TRNT1: variants seen among roughly 807,000 people sequenced by gnomAD.
TRNT1 encodes CCA tRNA nucleotidyltransferase 1, mitochondrial.
Under a neutral mutation model 45.6 loss-of-function variants are expected in TRNT1, and 44 were observed. The ratio of observed to expected loss-of-function variants is 0.97; its 90% CI spans 0.76 to 1.24. TRNT1 has a LOEUF of 1.24. TRNT1 is among the 50% of genes most tolerant of loss of function. TRNT1 has a pLI of 0.00. For missense variants in TRNT1, 633 were observed against 504.4 expected (o/e 1.25, Z -2.44); for synonymous variants, 201 against 171.4 (o/e 1.17, Z -1.35).
rs867130744 is a variant in TRNT1 at position 3,132,590 on chromosome 3, C to A, written c.148+3402C>A. Among the ~76,000 whole-genome samples, 214 of 98,686 alleles carry A rather than the reference C, an allele frequency of 2.2e-3. 1 individual carries two copies. Among genetic ancestry groups the A allele is most frequent in the South Asian group, 0.013 (31 of 2,406 alleles). 64.7% of individuals were successfully genotyped at this position (98,686 alleles called of 152,430 possible). A position where few individuals can be genotyped will look rare whatever the true frequency, so the allele number is the denominator to read the frequency against. On this transcript the variant is annotated intron_variant, in intron 2 of 7. Transcript: ENST00000251607. The stretch of plus-strand genomic sequence containing the variant: ...GAGATATACCTAATGCTAGATGACA[C>A]GTTAGTGGGTGCAGCGCACCAGCAT...
At chr3:3,144,298 T>C (rs980594993) in intron 4 of TRNT1, among the ~76,000 whole-genome samples, 1 of 152,202 alleles carries the variant, frequency 6.6e-6, no homozygotes, top group African/African-American at 2.4e-5. Context: ...GCTTGTATGG[T>C]GTCTTGTTGG....
At position 3,148,481 on chromosome 3, in the gene TRNT1, G is replaced by A. The variant is rs1247222457; in HGVS notation, c.*327G>A. 5.9e-6 allele frequency: 1 copy of A among 170,588 alleles called. No homozygotes were observed. The highest frequency in any genetic ancestry group is 2.4e-5 in the African/African-American group (1 of 42,076). The allele number at this position is 170,588 out of a possible 1,614,324, so 10.6% of individuals were successfully genotyped here. ...GGTAGTACTAAGATCTTAAAAAGTGGTAACTGTCTTGAAGAAAAAACGTTT... is the reference window on the plus strand; with the variant it reads ...GGTAGTACTAAGATCTTAAAAAGTGATAACTGTCTTGAAGAAAAAACGTTT... On this transcript the variant is annotated 3_prime_UTR_variant, in exon 8 of 8. Transcript: ENST00000251607.
chr3:3,150,798 A>ATAAT, downstream of TRNT1: 3 of 1,490,536 alleles, frequency 2.0e-6, no homozygotes, highest in Non-Finnish European at 2.8e-6. Context: ...ATCAGAGGCA[A>ATAAT]TAATTTCCAA....
At position 3,129,344 on chromosome 3, in the gene TRNT1, G is replaced by T. The variant is rs1704850499; in HGVS notation, c.148+156G>T. On this transcript the variant is annotated intron_variant, in intron 2 of 7. Transcript: ENST00000251607. ...AGGGTCTCTTTGTGTTGCCCAGGCT[G>T]GTCTCAAAACTCCTGGGCTCACTCC... The T allele has an allele frequency of 1.5e-5, 10 of 677,816 alleles. No individual in the cohort carries two copies. In the South Asian group the frequency reaches 1.8e-4, roughly 12 times the overall value. The allele number at this position is 677,816 out of a possible 1,614,324, so 42.0% of individuals were successfully genotyped here.
intron 5 of TRNT1, chr3:3,144,959 T>C (rs987760357): frequency 4.3e-6 from 1 of 233,274 alleles, no homozygotes; most frequent in Admixed American, 5.9e-5. Context: ...TCTTTTTAAA[T>C]GTCCATTTTT....
At chr3:3,133,465 AG>A (rs1399542749) in intron 2 of TRNT1, among the ~76,000 whole-genome samples, 1 of 151,914 alleles carries the variant, frequency 6.6e-6, no homozygotes, top group African/African-American at 2.4e-5. Flanking sequence ...AGGCTGAGGC[AG>A]GGGGTTCCTT....
intron 7 of TRNT1, 44 bp from the exon 8 acceptor site, chr3:3,147,862 G>A: frequency 3.2e-6 from 5 of 1,578,180 alleles, no homozygotes; most frequent in Non-Finnish European, 4.3e-6. Flanking sequence ...GTAAGTGTAT[G>A]TTTTCATGTG....
chr3:3,144,449 G>C lies in TRNT1; in HGVS notation c.482-135G>C, dbSNP rs1375828021. On this transcript the variant is annotated intron_variant, in intron 4 of 7. Coordinates refer to ENST00000251607, the MANE Select transcript of TRNT1 (RefSeq NM_182916.3). Reference sequence around the variant, plus strand: ...CTTCCATTTGATAGTTGATATGTATGAATACGTATGTGTTTTAATAACTGT... The same window carrying C: ...CTTCCATTTGATAGTTGATATGTATCAATACGTATGTGTTTTAATAACTGT... 14 of 771,162 alleles carry C rather than the reference G, an allele frequency of 1.8e-5. 1 individual carries two copies. The highest frequency in any genetic ancestry group is 3.5e-4 in the Middle Eastern group (1 of 2,846). The allele number at this position is 771,162 out of a possible 1,614,324, so 47.8% of individuals were successfully genotyped here.
intron 3 of TRNT1, among the ~76,000 whole-genome samples, chr3:3,138,666 G>A (rs1244615946): frequency 1.3e-5 from 2 of 152,132 alleles, no homozygotes; most frequent in African/African-American, 4.8e-5. Flanking sequence ...CTATGAGAGT[G>A]CCTTAACTTC....
At chr3:3,146,014 G>C (rs1041929610) in intron 5 of TRNT1, among the ~76,000 whole-genome samples, 1 of 150,566 alleles carries the variant, frequency 6.6e-6, no homozygotes, top group Non-Finnish European at 1.5e-5. Flanking sequence ...AAGCTTTGAG[G>C]AATTCAGACT....
chr3:3,137,574 C>T (rs1285648824), intron 3 of TRNT1, 121 bp downstream of exon 3: 34 of 772,588 alleles, frequency 4.4e-5, no homozygotes, highest in African/African-American at 7.1e-5. Context: ...CTTCTATGCC[C>T]GTCATAAACC....
downstream of TRNT1, chr3:3,150,447 T>C (rs1177248680): frequency 5.8e-6 from 1 of 172,702 alleles, no homozygotes; most frequent in Non-Finnish European, 1.2e-5. Context: ...TTTAGAGCAC[T>C]GGTACAGATA....
At chr3:3,140,888 C>T (rs1705606947) in intron 4 of TRNT1, among the ~76,000 whole-genome samples, 1 of 152,182 alleles carries the variant, frequency 6.6e-6, no homozygotes, top group Non-Finnish European at 1.5e-5. Context: ...CGAGACCATC[C>T]TGGCTAACAC....
chr3:3,146,259 A>AG (rs1428073459), intron 5 of TRNT1, among the ~76,000 whole-genome samples, 171 bp from the exon 6 acceptor site: 1 of 152,068 alleles, frequency 6.6e-6, no homozygotes, highest in Non-Finnish European at 1.5e-5. Flanking sequence ...GAAAAGAAAG[A>AG]GGAGGTGGAG....
intron 2 of TRNT1, among the ~76,000 whole-genome samples, chr3:3,135,432 C>G (rs942703740): frequency 6.6e-6 from 1 of 151,892 alleles, no homozygotes; most frequent in Non-Finnish European, 1.5e-5. Flanking sequence ...TTTTAAATCC[C>G]TATGTCTAGA....
downstream of TRNT1, among the ~76,000 whole-genome samples, chr3:3,152,239 G>GCCTT (rs369461120): frequency 2.1e-4 from 32 of 150,800 alleles, no homozygotes; most frequent in African/African-American, 6.6e-4. Flanking sequence ...CAACACTCTT[G>GCCTT]CCTTCCAGGT....
chr3:3,129,264 G>A (rs764848835), intron 2 of TRNT1, 76 bp downstream of exon 2: 2 of 1,275,892 alleles, frequency 1.6e-6, no homozygotes, highest in Non-Finnish European at 2.2e-6. Context: ...TTTTAAGCCA[G>A]CATTCGGATA....
intron 2 of TRNT1, 184 bp downstream of exon 2, chr3:3,129,372 G>A (rs970768311): frequency 4.3e-5 from 24 of 563,010 alleles, no homozygotes; most frequent in Non-Finnish European, 6.5e-5. Flanking sequence ...CTCACTCCTT[G>A]GCCTCCCAAA....
At chr3:3,152,806 A>T (rs112681330), downstream of TRNT1, 5 of 586,766 alleles carry the variant, frequency 8.5e-6, no homozygotes, top group African/African-American at 7.5e-5. Flanking sequence ...GTTTTCTGTG[A>T]TGACCCAAAG....
Sources: allele counts gnomAD v4.1 joint callset (sites outside exome capture counted in the v4.1 genomes callset), GRCh38; gene constraint gnomAD v4.1.1; transcripts MANE v1.5; gene names NCBI Gene and HGNC (gene_info 2026-07-23, HGNC 2026-07-21).